Variants in SLC44A3 observed in about 807,000 individuals in gnomAD.
SLC44A3 encodes the protein solute carrier family 44 member 3, also known as choline transporter-like protein 3.
A neutral mutation model predicts 75.4 loss-of-function variants in SLC44A3; 74 were observed. The observed-to-expected ratio is 0.98, with a 90% CI of 0.81 to 1.19. SLC44A3 has a LOEUF of 1.19. Ranked by LOEUF, SLC44A3 falls within the 50% of genes most tolerant of loss-of-function variation. The pLI, the probability that SLC44A3 is intolerant of heterozygous loss-of-function variation, is 0.00. For missense variants in SLC44A3, 700 were observed against 778.6 expected (o/e 0.90, Z 1.20); for synonymous variants, 310 against 296.9 (o/e 1.04, Z -0.45).
chr1:94,840,950 T>C (rs942690411), intron 7 of SLC44A3, among the ~76,000 whole-genome samples: 2 of 152,180 alleles, frequency 1.3e-5, no homozygotes, highest in East Asian at 1.9e-4. Flanking sequence ...CCAACTGGTG[T>C]GGGGTACAAT....
At position 94,825,082 on chromosome 1, in the gene SLC44A3, G is replaced by A. The variant is rs892742434; in HGVS notation, c.278+447G>A. 3.3e-5 allele frequency among the ~76,000 whole-genome samples: 5 copies of A among 149,504 alleles called. No individual in the cohort carries two copies. In the East Asian group the frequency reaches 9.6e-4, roughly 29 times the overall value. On this transcript the variant is annotated intron_variant, in intron 3 of 14. Transcript: ENST00000271227. ...TGTTTCTACGTGGAAATACCCGAAT[G>A]CCACCTGGAACACTGGGGACCTGTG...
chr1:94,842,725 G>A (rs1557827194), intron 8 of SLC44A3, among the ~76,000 whole-genome samples: 2 of 145,110 alleles, frequency 1.4e-5, no homozygotes, highest in Admixed American at 6.6e-5. Context: ...GCCCTGGGGC[G>A]GACCCCACAC....
intron 9 of SLC44A3, 38 bp downstream of exon 9, chr1:94,845,502 T>C (rs1242873125): frequency 1.9e-6 from 3 of 1,563,272 alleles, no homozygotes; most frequent in South Asian, 2.4e-5. Context: ...CACCTTGGAG[T>C]CATACACAGA....
At chr1:94,854,838 A>T (rs1665669770) in intron 9 of SLC44A3, among the ~76,000 whole-genome samples, 1 of 151,348 alleles carries the variant, frequency 6.6e-6, no homozygotes, top group Non-Finnish European at 1.5e-5. Context: ...CTGTGTAGAG[A>T]GGCGAGGCTT....
At chr1:94,853,553 G>A (rs1665484142) in intron 9 of SLC44A3, among the ~76,000 whole-genome samples, 1 of 152,208 alleles carries the variant, frequency 6.6e-6, no homozygotes, top group Non-Finnish European at 1.5e-5. Flanking sequence ...ATGGGATCTG[G>A]TGAAGTGTGG....
chr1:94,833,207 G>T (rs940869504), intron 5 of SLC44A3, among the ~76,000 whole-genome samples: 3 of 152,158 alleles, frequency 2.0e-5, no homozygotes, highest in Non-Finnish European at 2.9e-5. Context: ...GAAGAAAATA[G>T]TAGCAGGAAC....
At chr1:94,836,974 T>C (rs1662915668) in intron 5 of SLC44A3, 1 of 147,360 alleles carries the variant, frequency 6.8e-6, no homozygotes, top group Non-Finnish European at 1.5e-5. Context: ...TATGTACACA[T>C]ACCACAGAGT....
At position 94,824,781 on chromosome 1, in the gene SLC44A3, T is replaced by A. The variant is rs189038235; in HGVS notation, c.278+146T>A. 1.8e-3 allele frequency: 1,717 copies of A among 949,702 alleles called. 7 individuals are homozygous for A. The highest frequency in any genetic ancestry group is 1.7e-3 in the Middle Eastern group (5 of 2,886). The allele number at this position is 949,702 out of a possible 1,614,324, so 58.8% of individuals were successfully genotyped here. ...AGGAAGGCTGTGTATATAGTACAGGTAAGAGTACAAGTTTTAGAATCATAG... is the reference window on the plus strand; with the variant it reads ...AGGAAGGCTGTGTATATAGTACAGGAAAGAGTACAAGTTTTAGAATCATAG... On this transcript the variant is annotated intron_variant, in intron 3 of 14. Transcript: ENST00000271227.
At chr1:94,853,650 G>A (rs749124551) in intron 9 of SLC44A3, among the ~76,000 whole-genome samples, 6 of 152,172 alleles carry the variant, frequency 3.9e-5, no homozygotes, top group Non-Finnish European at 2.9e-5. Flanking sequence ...TTAGGTGTGA[G>A]GTGGTCAGCA....
chr1:94,839,184 G>A (rs917977008), intron 6 of SLC44A3: 12 of 152,070 alleles, frequency 7.9e-5, no homozygotes, highest in Admixed American at 7.9e-4. Flanking sequence ...TCATGGTTAG[G>A]ATCTTAAATT....
At chr1:94,823,112 C>T (rs1205270653) in intron 2 of SLC44A3, among the ~76,000 whole-genome samples, 1 of 152,176 alleles carries the variant, frequency 6.6e-6, no homozygotes, top group Non-Finnish European at 1.5e-5. Flanking sequence ...TCACCACAGG[C>T]TTTCCAAAGG....
Position 94,837,857 on chromosome 1 carries a change from G to A in SLC44A3, c.656G>A (p.Cys219Tyr). 1 of 1,597,572 alleles carries A rather than the reference G, an allele frequency of 6.3e-7. No individual in the cohort carries two copies. The highest frequency in any genetic ancestry group is 1.3e-5 in the African/African-American group (1 of 74,190). ...MSGRDTILGL[C>Y]ILALALSLAM... ...GGAAGAGATACAATCCTTGGCCTGT[G>A]TATCCTCGCATTAGGTAATTCTCAG... is the stretch of plus-strand genomic sequence containing the variant. The change falls in exon 6 of 15, where the codon TGT (cysteine) becomes TAT (tyrosine). Residue 219 changes from cysteine (C) to tyrosine (Y), a missense_variant. By Grantham distance (194) the Cys-to-Tyr change is radical. Transcript: ENST00000271227.
intron 12 of SLC44A3, among the ~76,000 whole-genome samples, chr1:94,880,580 T>C (rs1170867094): frequency 6.6e-6 from 1 of 151,806 alleles, no homozygotes; most frequent in Non-Finnish European, 1.5e-5. Flanking sequence ...GTATTTTGAC[T>C]ACTTTAGATA....
intron 12 of SLC44A3, among the ~76,000 whole-genome samples, chr1:94,869,634 C>T (rs1667546497): frequency 6.6e-6 from 1 of 152,148 alleles, no homozygotes. Flanking sequence ...CTCTGGTCTA[C>T]ATTGACTACT....
chr1:94,856,531 T>G (rs1302876726), intron 9 of SLC44A3, among the ~76,000 whole-genome samples: 1 of 152,258 alleles, frequency 6.6e-6, no homozygotes, highest in Non-Finnish European at 1.5e-5. Flanking sequence ...TTATAAAGTT[T>G]AAATTTTTGG....
At chr1:94,831,082 T>C (rs1045365969) in intron 5 of SLC44A3, among the ~76,000 whole-genome samples, 3 of 152,212 alleles carry the variant, frequency 2.0e-5, no homozygotes, top group Non-Finnish European at 2.9e-5. Context: ...TTATTTTGAC[T>C]GGTGAGTGGC....
At chr1:94,832,245 A>G (rs1269358635) in intron 5 of SLC44A3, among the ~76,000 whole-genome samples, 1 of 152,214 alleles carries the variant, frequency 6.6e-6, no homozygotes, top group African/African-American at 2.4e-5. Flanking sequence ...ATAGATGTGT[A>G]TGTTTATCAA....
chr1:94,876,851 G>T (rs150756611), intron 12 of SLC44A3, among the ~76,000 whole-genome samples: 1 of 152,332 alleles, frequency 6.6e-6, no homozygotes, highest in Non-Finnish European at 1.5e-5. Flanking sequence ...CCTCCTCGGA[G>T]TTATATGAGG....
chr1:94,859,866 T>A (rs568846852), intron 10 of SLC44A3, among the ~76,000 whole-genome samples: 106 of 151,828 alleles, frequency 7.0e-4, no homozygotes, highest in Admixed American at 1.6e-3. Context: ...AGAGGATGCT[T>A]TTGTGGAGAA....
Sources: allele counts gnomAD v4.1 joint callset (sites outside exome capture counted in the v4.1 genomes callset), GRCh38; gene constraint gnomAD v4.1.1; transcripts MANE v1.5; gene names NCBI Gene and HGNC (gene_info 2026-07-23, HGNC 2026-07-21).